ROBO2: variants seen among roughly 807,000 people sequenced by gnomAD.
ROBO2 encodes the protein roundabout guidance receptor 2.
A neutral mutation model predicts 160.8 loss-of-function variants in ROBO2; 53 were observed. The ratio of observed to expected loss-of-function variants is 0.33; its 90% CI spans 0.26 to 0.41. The LOEUF is 0.41. Ranked by LOEUF, ROBO2 falls within the 10% of genes least tolerant of loss-of-function variation. ROBO2 has a pLI of 1.00. For synonymous variants in ROBO2, 664 were observed against 611.7 expected, an observed-to-expected ratio of 1.09 and a Z score of -1.26; for missense variants, 1,577 against 1,722.4, an observed-to-expected ratio of 0.92 and a Z score of 1.49.
intron 2 of ROBO2, among the ~76,000 whole-genome samples, chr3:76,902,178 G>T (rs1188674398): frequency 1.3e-5 from 2 of 151,798 alleles, no homozygotes; most frequent in African/African-American, 4.8e-5. Context: ...AACATTATTG[G>T]TGGACATTTC....
chr3:76,999,294 C>T (rs1219346727), intron 2 of ROBO2, among the ~76,000 whole-genome samples: 1 of 151,882 alleles, frequency 6.6e-6, no homozygotes, highest in Non-Finnish European at 1.5e-5. Flanking sequence ...TAGAATCTGA[C>T]CATAAGTAAG....
chr3:76,945,499 A>G (rs2078476632), intron 2 of ROBO2, among the ~76,000 whole-genome samples: 1 of 152,112 alleles, frequency 6.6e-6, no homozygotes, highest in Non-Finnish European at 1.5e-5. Flanking sequence ...AATTTTAGCC[A>G]GTTTTCTTTG....
At chr3:76,755,587 T>A (rs2060923739) in intron 2 of ROBO2, among the ~76,000 whole-genome samples, 1 of 151,890 alleles carries the variant, frequency 6.6e-6, no homozygotes, top group Admixed American at 6.6e-5. Flanking sequence ...TCTCAACTTC[T>A]ATAGCCCAAA....
intron 2 of ROBO2, among the ~76,000 whole-genome samples, chr3:76,811,970 A>G (rs2065230704): frequency 1.3e-5 from 2 of 151,762 alleles, no homozygotes; most frequent in African/African-American, 4.8e-5. Context: ...TCCCAGGTTC[A>G]AGCGATTCTC....
chr3:77,216,946 T>A (rs2085053401), intron 2 of ROBO2, among the ~76,000 whole-genome samples: 1 of 152,154 alleles, frequency 6.6e-6, no homozygotes, highest in African/African-American at 2.4e-5. Flanking sequence ...CCACTTTTAT[T>A]CTTCTCAACC....
chr3:76,716,945 AG>A (rs1308263188), intron 2 of ROBO2, among the ~76,000 whole-genome samples: 2 of 152,164 alleles, frequency 1.3e-5, no homozygotes, highest in African/African-American at 4.8e-5. Context: ...GTTTATTGCG[AG>A]GATGTTAGAG....
intron 2 of ROBO2, among the ~76,000 whole-genome samples, chr3:76,818,661 ATTC>A (rs1440478627): frequency 5.3e-5 from 8 of 151,876 alleles, no homozygotes; most frequent in South Asian, 2.1e-4. Context: ...ATCTAGTTTC[ATTC>A]TTCTCCACGT....
intron 2 of ROBO2, among the ~76,000 whole-genome samples, chr3:76,550,926 GCCTGGGT>G (rs2083377323): frequency 6.6e-6 from 1 of 152,146 alleles, no homozygotes; most frequent in Non-Finnish European, 1.5e-5. Flanking sequence ...AGTGTGAACA[GCCTGGGT>G]GCTGTGGATG....
chr3:77,614,570 T>C (rs892471113), intron 21 of ROBO2, among the ~76,000 whole-genome samples: 1 of 152,070 alleles, frequency 6.6e-6, no homozygotes, highest in Admixed American at 6.6e-5. Context: ...CTCACTTAGG[T>C]AGCCTCAGCA....
chr3:77,588,757 G>C (rs377753892), exon 17 of ROBO2: 4 of 1,612,924 alleles, frequency 2.5e-6, no homozygotes, highest in South Asian at 1.1e-5. Context: ...ATAGGGAGAC[G>C]CAATGAAGTT....
At chr3:77,504,259 C>A (rs2088121755) in intron 5 of ROBO2, among the ~76,000 whole-genome samples, 1 of 152,182 alleles carries the variant, frequency 6.6e-6, no homozygotes, top group African/African-American at 2.4e-5. Flanking sequence ...CCATTCAACT[C>A]ATTCATCAGT....
At chr3:77,353,929 G>A (rs1341428402) in intron 2 of ROBO2, among the ~76,000 whole-genome samples, 1 of 152,214 alleles carries the variant, frequency 6.6e-6, no homozygotes, top group Non-Finnish European at 1.5e-5. Flanking sequence ...TAGAAAATGT[G>A]TAAATGAATT....
Position 77,579,933 on chromosome 3 carries a change from T to C in ROBO2, c.2329-14T>C. The C allele has an allele frequency of 6.2e-7, 1 of 1,611,450 alleles. No homozygotes were observed. Among genetic ancestry groups the C allele is most frequent in the Non-Finnish European group, 8.5e-7 (1 of 1,177,632 alleles). On this transcript the variant is annotated splice_polypyrimidine_tract_variant and intron_variant, in intron 15 of 25. Transcript: ENST00000461745. ...ATCTTATATCCATGTGTTATTCACT[T>C]TCCATTTCTGTAGATCTGGTGTCTA...
At chr3:77,560,488 A>C (rs924960014) in intron 9 of ROBO2, among the ~76,000 whole-genome samples, 6 of 152,120 alleles carry the variant, frequency 3.9e-5, no homozygotes, top group African/African-American at 1.4e-4. Context: ...CTTTTCCTGT[A>C]ACATGACTGT....
At position 77,502,944 on chromosome 3, in the gene ROBO2, T is replaced by G. The variant is rs570056777; in HGVS notation, c.806+9562T>G. 2.2e-3 allele frequency among the ~76,000 whole-genome samples: 336 copies of G among 152,184 alleles called. 3 individuals are homozygous for G. Among genetic ancestry groups the G allele is most frequent in the African/African-American group, 7.7e-3 (318 of 41,542 alleles). The stretch of plus-strand genomic sequence containing the variant: ...AGAATGATGAACTCTTCTAGGGTAT[T>G]GATAGTTTAATTCATCTTTCACATT... On this transcript the variant is annotated intron_variant, in intron 5 of 25. Transcript: ENST00000461745.
chr3:77,225,325 A>G (rs1025044855), intron 2 of ROBO2, among the ~76,000 whole-genome samples: 1 of 151,864 alleles, frequency 6.6e-6, no homozygotes, highest in Non-Finnish European at 1.5e-5. Context: ...TTTCAAAGAT[A>G]TTTCCTCCCA....
intron 2 of ROBO2, among the ~76,000 whole-genome samples, chr3:76,831,220 C>A (rs11917313): frequency 6.6e-6 from 1 of 151,962 alleles, no homozygotes; most frequent in Non-Finnish European, 1.5e-5. Flanking sequence ...TGGGTCCATA[C>A]GAGTTTTTTG....
At chr3:77,470,129 T>C (rs1215614270) in intron 2 of ROBO2, among the ~76,000 whole-genome samples, 1 of 152,176 alleles carries the variant, frequency 6.6e-6, no homozygotes. Context: ...GCATGGAGGT[T>C]ACAGAAATGT....
At chr3:77,137,568 G>A (rs1389012404) in intron 2 of ROBO2, among the ~76,000 whole-genome samples, 6 of 152,282 alleles carry the variant, frequency 3.9e-5, no homozygotes, top group East Asian at 3.9e-4. Context: ...TCTTTAATTT[G>A]CATTTAACTT....
Sources: allele counts gnomAD v4.1 joint callset (sites outside exome capture counted in the v4.1 genomes callset), GRCh38; gene constraint gnomAD v4.1.1; transcripts MANE v1.5; gene names NCBI Gene and HGNC (gene_info 2026-07-23, HGNC 2026-07-21).